AADAC: variants seen among roughly 807,000 people sequenced by gnomAD.
The protein encoded by AADAC is arylacetamide deacetylase (esterase).
AADAC carries 17 observed loss-of-function variants against 22.7 expected under a neutral mutation model. That is an observed-to-expected ratio of 0.75 (90% CI 0.51 to 1.12). The LOEUF (loss-of-function observed/expected upper bound fraction) is 1.12, where lower values mean the gene tolerates loss of function less well. AADAC is among the 50% of genes most tolerant of loss of function. The pLI is 0.00. For synonymous variants in AADAC, 167 were observed against 176.3 expected, an observed-to-expected ratio of 0.95 and a Z score of 0.42; for missense variants, 465 against 473.9, an observed-to-expected ratio of 0.98 and a Z score of 0.17.
rs1303989646 is a variant in AADAC, at chr3:151,824,671, T to C, written c.440T>C (p.Leu147Ser). The C allele has an allele frequency of 3.2e-6, 5 of 1,571,602 alleles. No homozygotes were observed. In the African/African-American group the frequency reaches 4.1e-5, roughly 13 times the overall value. Residue 147 changes from leucine (L) to serine (S), a missense_variant, in exon 4 of 5, where the codon TTA (leucine) becomes TCA (serine). Transcript: ENST00000232892. Reference sequence around the variant, plus strand: ...ATGTTTTCTCTCTACAGCTACAGATTAGCACCTAAGTATCATTTCCCAATT... The same window carrying C: ...ATGTTTTCTCTCTACAGCTACAGATCAGCACCTAAGTATCATTTCCCAATT... ...DAVVVSTNYR[L>S]APKYHFPIQF...
chr3:151,820,522 T>TTTTA, intron 3 of AADAC, 70 bp downstream of exon 3: 1 of 1,102,176 alleles, frequency 9.1e-7, no homozygotes, highest in East Asian at 2.8e-5. Flanking sequence ...CTTTCTTTTT[T>TTTTA]TTTTTTTTTT....
In AADAC at chr3:151,827,562, A is replaced by T. The variant is rs180907890; in HGVS notation, c.604-14A>T. On this transcript the variant is annotated splice_polypyrimidine_tract_variant and intron_variant, in intron 4 of 4. Coordinates refer to ENST00000232892, the MANE Select transcript of AADAC (RefSeq NM_001086.3). The stretch of plus-strand genomic sequence containing the variant: ...TAAATGAAAATGATTTGTGCAAATC[A>T]TCTTGCTTCTCAGCTCCTTGATGAC... 6.1e-6 allele frequency: 9 copies of T among 1,474,438 alleles called. No homozygotes were observed. The Admixed American group carries it at 1.5e-4, about 25-fold the overall frequency. The allele number at this position is 1,474,438 out of a possible 1,614,324, so 91.3% of individuals were successfully genotyped here.
At chr3:151,825,321 A>T (rs1330921224) in intron 4 of AADAC, among the ~76,000 whole-genome samples, 1 of 151,916 alleles carries the variant, frequency 6.6e-6, no homozygotes, top group Non-Finnish European at 1.5e-5. Flanking sequence ...TAAGCCCAGG[A>T]GTTCAAGGTT....
At chr3:151,814,334 T>C (rs754760831) in intron 1 of AADAC, 34 bp downstream of exon 1, 7 of 1,577,742 alleles carry the variant, frequency 4.4e-6, no homozygotes, top group Admixed American at 1.9e-5. Context: ...CAGATGTGCA[T>C]ACACCACCAT....
At chr3:151,823,809 G>A (rs764452341) in intron 3 of AADAC, among the ~76,000 whole-genome samples, 8 of 152,004 alleles carry the variant, frequency 5.3e-5, no homozygotes, top group Non-Finnish European at 1.2e-4. Context: ...ACATGTACTA[G>A]AATATTCATA....
Position 151,828,113 on chromosome 3 carries a change from C to G in AADAC, c.1141C>G (p.Leu381Val). 6.2e-7 allele frequency: 1 copy of G among 1,608,260 alleles called. No individual in the cohort carries two copies. The highest frequency in any genetic ancestry group is 8.5e-7 in the Non-Finnish European group (1 of 1,176,116). ...GFHGAFSFLG[L>V]KISHRLINQY... ...CCATGGAGCATTTTCATTTCTGGGACTTAAAATTAGTCACAGACTTATAAA... is the reference window on the plus strand; with the variant it reads ...CCATGGAGCATTTTCATTTCTGGGAGTTAAAATTAGTCACAGACTTATAAA... The change falls in exon 5 of 5, where the codon CTT becomes GTT. Residue 381 changes from leucine to valine, a missense_variant. Transcript: ENST00000232892.
At position 151,827,632 on chromosome 3, in the gene AADAC, T is replaced by G; in HGVS notation, c.660T>G (p.Pro220=). 8 of 1,607,684 alleles carry G rather than the reference T, an allele frequency of 5.0e-6. No homozygotes were observed. Among genetic ancestry groups the G allele is most frequent in the Non-Finnish European group, 6.8e-6 (8 of 1,176,862 alleles). Residue 220 remains proline (P), a synonymous_variant, in exon 5 of 5, where the codon CCT becomes CCG. Transcript: ENST00000232892. ...TCAAGATCCAGTCTTTAATTTATCC[T>G]GCCCTTCAGCCTCTTGATGTAGATT... ...IKLKIQSLIY[P]ALQPLDVDLP...
intron 4 of AADAC, among the ~76,000 whole-genome samples, chr3:151,825,691 A>G (rs1227339471): frequency 6.6e-6 from 1 of 150,382 alleles, no homozygotes; most frequent in Non-Finnish European, 1.5e-5. Flanking sequence ...TAATGGCAAT[A>G]TAATAATAAT....
intron 3 of AADAC, 59 bp downstream of exon 3, chr3:151,820,511 G>GTT: frequency 1.6e-6 from 1 of 639,208 alleles, no homozygotes; most frequent in Non-Finnish European, 2.2e-6. Context: ...GATTTTCTCA[G>GTT]CTTTCTTTTT....
At chr3:151,824,402 T>A (rs1377138617) in intron 3 of AADAC, among the ~76,000 whole-genome samples, 3 of 151,998 alleles carry the variant, frequency 2.0e-5, no homozygotes, top group Admixed American at 2.0e-4. Context: ...TATGTCAAAT[T>A]AGTGGATACG....
At chr3:151,824,895 T>C (rs773668005) in intron 4 of AADAC, 61 bp downstream of exon 4, 2 of 1,311,434 alleles carry the variant, frequency 1.5e-6, no homozygotes, top group African/African-American at 1.5e-5. Context: ...TAAAAACATA[T>C]TTATAAACAT....
intron 4 of AADAC, among the ~76,000 whole-genome samples, chr3:151,827,104 G>A (rs569883050): frequency 2.6e-5 from 4 of 151,748 alleles, no homozygotes; most frequent in Non-Finnish European, 4.4e-5. Flanking sequence ...TAGTCAAGAC[G>A]GGTTTTTGCC....
At chr3:151,824,881 G>GT in intron 4 of AADAC, 47 bp downstream of exon 4, 1 of 1,371,746 alleles carries the variant, frequency 7.3e-7, no homozygotes, top group South Asian at 1.9e-5. Flanking sequence ...TTTCTACGCT[G>GT]TTTTAAAAAC....
intron 1 of AADAC, among the ~76,000 whole-genome samples, chr3:151,815,989 G>A (rs188653705): frequency 6.6e-6 from 1 of 152,160 alleles, no homozygotes; most frequent in African/African-American, 2.4e-5. Flanking sequence ...TACTAGTTGT[G>A]TAGGCATGGA....
intron 3 of AADAC, among the ~76,000 whole-genome samples, chr3:151,824,325 T>C (rs1410731334): frequency 1.3e-5 from 2 of 151,860 alleles, no homozygotes; most frequent in African/African-American, 2.4e-5. Flanking sequence ...ACCAGATACA[T>C]AGGAGTATAT....
At chr3:151,824,951 T>C in intron 4 of AADAC, 117 bp downstream of exon 4, 1 of 672,706 alleles carries the variant, frequency 1.5e-6, no homozygotes, top group Non-Finnish European at 2.0e-6. Context: ...GAGATATTGA[T>C]TTTTTGAAAC....
Position 151,814,184 on chromosome 3 carries a change from C to T in AADAC, c.22C>T (p.Leu8Phe). The T allele has an allele frequency of 1.2e-6, 2 of 1,613,366 alleles. No individual in the cohort carries two copies. Among genetic ancestry groups the T allele is most frequent in the Non-Finnish European group, 1.7e-6 (2 of 1,179,548 alleles). The change falls in exon 1 of 5, where the codon CTT becomes TTT. Residue 8 changes from leucine to phenylalanine, a missense_variant. Physicochemically the swap from Leu to Phe is conservative, Grantham distance 22 (BLOSUM62 0). Coordinates refer to ENST00000232892, the MANE Select transcript of AADAC (RefSeq NM_001086.3). ...CACCATGGGAAGAAAATCGCTGTAC[C>T]TTCTGATTGTGGGGATCCTCATAGC... MGRKSLY[L>F]LIVGILIAYY...
intron 1 of AADAC, among the ~76,000 whole-genome samples, chr3:151,815,450 T>C (rs973004487): frequency 3.3e-5 from 5 of 152,080 alleles, no homozygotes; most frequent in African/African-American, 1.2e-4. Flanking sequence ...TATCATACAG[T>C]GCTTTGTGGG....
At chr3:151,819,997 A>G (rs553345796) in intron 2 of AADAC, among the ~76,000 whole-genome samples, 34 of 152,204 alleles carry the variant, frequency 2.2e-4, no homozygotes, top group Non-Finnish European at 4.6e-4. Flanking sequence ...CACATATCTG[A>G]CAACGTATTG....
Sources: gnomAD v4.1 joint callset for allele counts (sites outside exome capture counted in the v4.1 genomes callset) on GRCh38, gnomAD v4.1.1 for gene constraint, MANE v1.5 for transcripts, NCBI Gene and HGNC (gene_info 2026-07-23, HGNC 2026-07-21) for gene names.